Variants in SYK observed in about 807,000 individuals in gnomAD.
SYK encodes spleen associated tyrosine kinase.
In SYK, 16 loss-of-function variants were observed where a neutral mutation model predicts 77.8. That is an observed-to-expected ratio of 0.21 (90% CI 0.14 to 0.31). The LOEUF (loss-of-function observed/expected upper bound fraction) is 0.31, where lower values mean the gene tolerates loss of function less well. Among genes scored for constraint, SYK ranks in the 10% least tolerant of loss-of-function variants. SYK has a pLI of 1.00. For synonymous variants in SYK, 312 were observed against 308.7 expected, an observed-to-expected ratio of 1.01 and a Z score of -0.11; for missense variants, 529 against 814.4, an observed-to-expected ratio of 0.65 and a Z score of 4.26.
chr9:90,888,689 G>T lies in SYK; in HGVS notation c.1835+62G>T, dbSNP rs912664666. On this transcript the variant is annotated intron_variant, in intron 13 of 13. Coordinates refer to ENST00000375754, the MANE Select transcript of SYK (RefSeq NM_003177.7). ...CTCTGGAAACAGGTGAAATGGTTGG[G>T]CGTCTAAAAAAAAGGATAAAGTTCA... 5 of 1,280,142 alleles carry T rather than the reference G, an allele frequency of 3.9e-6. No homozygotes were observed. In the South Asian group the frequency reaches 5.9e-5, roughly 15 times the overall value. 79.3% of individuals were successfully genotyped at this position (1,280,142 alleles called of 1,614,324 possible). A position where few individuals can be genotyped will look rare whatever the true frequency, so the allele number is the denominator to read the frequency against.
chr9:90,810,104 T>TA (rs1443376735), intron 1 of SYK, among the ~76,000 whole-genome samples: 3 of 152,100 alleles, frequency 2.0e-5, no homozygotes, highest in Non-Finnish European at 4.4e-5. Context: ...CAGTGTCTGT[T>TA]ATGGAGGAAT....
intron 1 of SYK, among the ~76,000 whole-genome samples, chr9:90,841,525 G>T (rs982353334): frequency 1.2e-5 from 1 of 82,926 alleles, no homozygotes; most frequent in African/African-American, 3.8e-5. Flanking sequence ...TGCATGTAGT[G>T]GGCATGTAGT....
intron 11 of SYK, among the ~76,000 whole-genome samples, chr9:90,881,035 GGC>G (rs1828131446): frequency 6.6e-6 from 1 of 152,160 alleles, no homozygotes; most frequent in Non-Finnish European, 1.5e-5. Context: ...TATAAAACCA[GGC>G]CCAGAAACTA....
At chr9:90,881,411 G>A (rs1474421060) in intron 11 of SYK, among the ~76,000 whole-genome samples, 1 of 152,160 alleles carries the variant, frequency 6.6e-6, no homozygotes, top group African/African-American at 2.4e-5. Flanking sequence ...CGGGCGTGGT[G>A]GCTCACGCCT....
intron 1 of SYK, among the ~76,000 whole-genome samples, chr9:90,838,739 A>C (rs1038625965): frequency 6.6e-6 from 1 of 152,248 alleles, no homozygotes; most frequent in Admixed American, 6.5e-5. Context: ...TGTTGAATTA[A>C]GAAAAAATAG....
chr9:90,890,439 A>G (rs1744718886), intron 13 of SYK, among the ~76,000 whole-genome samples: 2 of 152,258 alleles, frequency 1.3e-5, no homozygotes, highest in Admixed American at 6.5e-5. Context: ...AAAGTAGAGC[A>G]GTAGAACAGT....
chr9:90,843,910 C>T lies in SYK; in HGVS notation c.12C>T (p.Ser4=), dbSNP rs199823436. The T allele has an allele frequency of 9.1e-5, 140 of 1,538,542 alleles. 2 individuals carry two copies. The highest frequency in any genetic ancestry group is 7.5e-4 in the East Asian group (33 of 43,894). Residue 4 remains serine, a synonymous_variant, in exon 2 of 14, where the codon AGC becomes AGT. Coordinates refer to ENST00000375754, the MANE Select transcript of SYK (RefSeq NM_003177.7). ...CCGGCCCCTGAAGCATGGCCAGCAG[C>T]GGCATGGCTGACAGCGCCAACCACC... MAS[S]GMADSANHLP...
At chr9:90,842,073 C>T (rs1826382140) in intron 1 of SYK, among the ~76,000 whole-genome samples, 1 of 111,884 alleles carries the variant, frequency 8.9e-6, no homozygotes, top group Non-Finnish European at 2.0e-5. Context: ...TGTGTAGTGT[C>T]CATGTAGTAC....
At chr9:90,894,140 C>T (rs1418116833) in intron 13 of SYK, among the ~76,000 whole-genome samples, 1 of 152,170 alleles carries the variant, frequency 6.6e-6, no homozygotes, top group African/African-American at 2.4e-5. Context: ...GCTCTTTGTA[C>T]CATTTGGATC....
chr9:90,811,833 G>T (rs1302325939), intron 1 of SYK, among the ~76,000 whole-genome samples: 2 of 151,800 alleles, frequency 1.3e-5, no homozygotes, highest in African/African-American at 2.4e-5. Context: ...CGCTGAGGTG[G>T]GGGGATCACT....
intron 8 of SYK, 47 bp from the exon 9 acceptor site, chr9:90,874,625 G>T (rs779958905): frequency 6.4e-7 from 1 of 1,570,482 alleles, no homozygotes; most frequent in East Asian, 2.3e-5. Context: ...GATGAATCCT[G>T]GTGTGGGGTC....
intron 1 of SYK, among the ~76,000 whole-genome samples, chr9:90,838,009 G>A (rs973977744): frequency 5.3e-5 from 8 of 152,206 alleles, no homozygotes; most frequent in South Asian, 2.1e-4. Context: ...CTCAGCAACT[G>A]TGGTGCTCAA....
chr9:90,880,481 C>A (rs1828107757), intron 11 of SYK, among the ~76,000 whole-genome samples: 1 of 152,134 alleles, frequency 6.6e-6, no homozygotes, highest in Admixed American at 6.5e-5. Context: ...GGAAACAGAG[C>A]AAGGAAGACA....
intron 11 of SYK, among the ~76,000 whole-genome samples, chr9:90,884,083 A>G (rs553454174): frequency 1.8e-4 from 28 of 152,084 alleles, no homozygotes; most frequent in African/African-American, 6.5e-4. Context: ...CATAGAAATT[A>G]TACATAGATT....
chr9:90,843,210 G>A (rs1406692234), intron 1 of SYK, among the ~76,000 whole-genome samples: 2 of 152,170 alleles, frequency 1.3e-5, no homozygotes, highest in Non-Finnish European at 2.9e-5. Flanking sequence ...GTCTCAGGCA[G>A]TGGCTTGTTG....
At chr9:90,832,938 T>C (rs564806822) in intron 1 of SYK, among the ~76,000 whole-genome samples, 3 of 152,208 alleles carry the variant, frequency 2.0e-5, no homozygotes, top group Non-Finnish European at 4.4e-5. Flanking sequence ...GAAGGCTTGA[T>C]AGAGGCTGGA....
rs2118630815 is a variant in SYK at position 90,844,019 on chromosome 9, C to T, written c.121C>T (p.Leu41=). 1.2e-6 allele frequency: 2 copies of T among 1,611,886 alleles called. No homozygotes were observed. Among genetic ancestry groups the T allele is most frequent in the South Asian group, 1.1e-5 (1 of 90,672 alleles). Residue 41 remains leucine, a synonymous_variant, in exon 2 of 14, where the codon CTG becomes TTG. Coordinates refer to ENST00000375754, the MANE Select transcript of SYK (RefSeq NM_003177.7). ...GGGCATGAGTGATGGGCTTTATTTGCTGCGCCAGAGCCGCAACTACCTGGG... is the reference window on the plus strand; with the variant it reads ...GGGCATGAGTGATGGGCTTTATTTGTTGCGCCAGAGCCGCAACTACCTGGG... ...QGGMSDGLYL[L]RQSRNYLGGF...
At chr9:90,821,944 G>A (rs1825533677) in intron 1 of SYK, among the ~76,000 whole-genome samples, 1 of 152,090 alleles carries the variant, frequency 6.6e-6, no homozygotes, top group Non-Finnish European at 1.5e-5. Context: ...GAGTCCAATG[G>A]TAGTGCATCA....
chr9:90,850,361 T>C (rs926245701), intron 3 of SYK, among the ~76,000 whole-genome samples: 2 of 152,032 alleles, frequency 1.3e-5, no homozygotes, highest in Non-Finnish European at 2.9e-5. Flanking sequence ...ACTAACAGTA[T>C]AAAAATTAGC....
Sources: gnomAD v4.1 joint callset for allele counts (sites outside exome capture counted in the v4.1 genomes callset) on GRCh38, gnomAD v4.1.1 for gene constraint, MANE v1.5 for transcripts, NCBI Gene and HGNC (gene_info 2026-07-23, HGNC 2026-07-21) for gene names.